The following CYP2D6 variants were observed in gnomAD, a reference collection of about 807,000 sequenced individuals.
The protein encoded by CYP2D6 is cytochrome P450 2D6.
CYP2D6 carries 51 observed loss-of-function variants against 43.5 expected under a neutral mutation model. That is an observed-to-expected ratio of 1.17 (90% CI 0.94 to 1.48). The LOEUF is 1.48. Ranked by LOEUF, CYP2D6 falls within the 40% of genes most tolerant of loss-of-function variation. CYP2D6 has a pLI of 0.00. For missense variants in CYP2D6, 698 were observed against 688.0 expected, an observed-to-expected ratio of 1.01 and a Z score of -0.16; for synonymous variants, 346 against 297.1, an observed-to-expected ratio of 1.16 and a Z score of -1.69.
At position 42,128,218 on chromosome 22, in the gene CYP2D6, G is replaced by A. The variant is rs1323341780; in HGVS notation, c.799C>T (p.Pro267Ser). The A allele has an allele frequency of 2.5e-6, 4 of 1,609,778 alleles. 1 individual carries two copies. Among genetic ancestry groups the A allele is most frequent in the South Asian group, 1.1e-5 (1 of 90,706 alleles). The change falls in exon 5 of 9, where the codon CCC becomes TCC. Residue 267 changes from proline (P) to serine (S), a missense_variant. By Grantham distance (74) the Pro-to-Ser change is moderately conservative. Coordinates refer to ENST00000645361, the MANE Select transcript of CYP2D6 (RefSeq NM_000106.6). The part of the protein sequence containing the change: ...EHRMTWDPAQ[P>S]PRDLTEAFLA... ...AAGGCCTCAGTCAGGTCTCGGGGGG[G>A]CTGGGCTGGGTCCCAGGTCATCCTG...
intron 2 of CYP2D6, chr22:42,129,405 A>G: frequency 1.2e-6 from 1 of 805,474 alleles, no homozygotes; most frequent in East Asian, 2.6e-5. Flanking sequence ...CACTCAGGGA[A>G]GACCCCGCGG....
chr22:42,127,831 G>T lies in CYP2D6; in HGVS notation c.985+11C>A. 1 of 1,610,696 alleles carries T rather than the reference G, an allele frequency of 6.2e-7. No homozygotes were observed. The highest frequency in any genetic ancestry group is 1.7e-5 in the Admixed American group (1 of 59,884). Reference sequence around the variant, plus strand: ...CCCTCGGCCCCTGCACTGTTTCCCAGATGGGCTCACGCTGCACATCCGGAT... The same window carrying T: ...CCCTCGGCCCCTGCACTGTTTCCCATATGGGCTCACGCTGCACATCCGGAT... On this transcript the variant is annotated intron_variant, in intron 6 of 8. Coordinates refer to ENST00000645361, the MANE Select transcript of CYP2D6 (RefSeq NM_000106.6).
At chr22:42,129,550 C>A in intron 2 of CYP2D6, among the ~76,000 whole-genome samples, 188 bp downstream of exon 2, 1 of 151,538 alleles carries the variant, frequency 6.6e-6, no homozygotes, top group East Asian at 1.9e-4. Flanking sequence ...GCCCCGCCCA[C>A]TCGTCACAAG....
In CYP2D6 at chr22:42,127,938, T is replaced by C; in HGVS notation, c.889A>G (p.Ile297Val). The change falls in exon 6 of 9, where the codon ATA (isoleucine) becomes GTA (valine). Residue 297 changes from isoleucine (I) to valine (V), a missense_variant. Ile to Val is a conservative substitution (Grantham distance 29, BLOSUM62 3). This residue lies in a region of CYP2D6 where 588 missense variants were observed against 521.1 expected (regional missense o/e 1.13). Coordinates refer to ENST00000645361, the MANE Select transcript of CYP2D6 (RefSeq NM_000106.6). ...GCAGAGAACAGGTCAGCCACCACTA[T>C]GCGCAGGTTCTCATCATTGAAGCTG... is the stretch of plus-strand genomic sequence containing the variant. Reference protein sequence around the residue: ...ESSFNDENLRIVVADLFSAGM... With the variant: ...ESSFNDENLRVVVADLFSAGM... 6.2e-7 allele frequency: 1 copy of C among 1,611,282 alleles called. No individual in the cohort carries two copies. Among genetic ancestry groups the C allele is most frequent in the Non-Finnish European group, 8.5e-7 (1 of 1,178,236 alleles).
At position 42,129,749 on chromosome 22, in the gene CYP2D6, G is replaced by C. The variant is rs781060458; in HGVS notation, c.341C>G (p.Pro114Arg). 6.2e-7 allele frequency: 1 copy of C among 1,609,830 alleles called. No homozygotes were observed. The highest frequency in any genetic ancestry group is 8.5e-7 in the Non-Finnish European group (1 of 1,178,140). Residue 114 changes from proline to arginine, a missense_variant, in exon 2 of 9, where the codon CCG (proline) becomes CGG (arginine). This residue lies in a region of CYP2D6 where 588 missense variants were observed against 521.1 expected (regional missense o/e 1.13). Coordinates refer to ENST00000645361, the MANE Select transcript of CYP2D6 (RefSeq NM_000106.6). ...VPITQILGFG[P>R]RSQGVFLARY... is the part of the protein sequence containing the mutation. ...CCACCGCTGCTTGCCTTGGGAACGC[G>C]GCCCGAAACCCAGGATCTGGGTGAT...
rs111606937 is a variant in CYP2D6, at chr22:42,128,922, A to G, written c.528T>C (p.Gly176=). ...CGTTGCTCACGGCTTTGTCCAAGAG[A>G]CCGTTGGGGCGAAAGGGGCGTCCTG... is the stretch of plus-strand genomic sequence containing the variant. ...NHSGRPFRPN[G]LLDKAVSNVI... Residue 176 remains glycine, a synonymous_variant, in exon 4 of 9, where the codon GGT becomes GGC. Coordinates refer to ENST00000645361, the MANE Select transcript of CYP2D6 (RefSeq NM_000106.6). The G allele has an allele frequency of 2.3e-3, 3,583 of 1,585,576 alleles. 110 individuals are homozygous for G. Among genetic ancestry groups the G allele is most frequent in the African/African-American group, 3.6e-3 (266 of 73,402 alleles).
At position 42,129,614 on chromosome 22, in the gene CYP2D6, C is replaced by T. The variant is rs180847475; in HGVS notation, c.352+124G>A. ...CCCTAGTGCAGGTGGTTTCTTGGCC[C>T]GCTGTCCCCACTCGCTGGCCTGTTT... is the stretch of plus-strand genomic sequence containing the variant. On this transcript the variant is annotated intron_variant, in intron 2 of 8. Coordinates refer to ENST00000645361, the MANE Select transcript of CYP2D6 (RefSeq NM_000106.6). The T allele has an allele frequency of 2.0e-5, 27 of 1,336,716 alleles. 1 individual carries two copies. Among genetic ancestry groups the T allele is most frequent in the Middle Eastern group, 1.8e-4 (1 of 5,588 alleles). 82.8% of individuals were successfully genotyped at this position (1,336,716 alleles called of 1,614,324 possible). A position where few individuals can be genotyped will look rare whatever the true frequency, so the allele number is the denominator to read the frequency against.
At chr22:42,127,303 C>T in intron 7 of CYP2D6, 144 bp downstream of exon 7, 2 of 1,191,498 alleles carry the variant, frequency 1.7e-6, no homozygotes, top group South Asian at 2.8e-5. Context: ...CTCTGGACCC[C>T]CCACCCAAGT....
At position 42,129,164 on chromosome 22, in the gene CYP2D6, C is replaced by T. The variant is rs1197527337; in HGVS notation, c.374G>A (p.Gly125Glu). 1 of 1,606,298 alleles carries T rather than the reference C, an allele frequency of 6.2e-7. No homozygotes were observed. The highest frequency in any genetic ancestry group is 8.5e-7 in the Non-Finnish European group (1 of 1,178,040). The change falls in exon 3 of 9, where the codon GGG becomes GAG. Residue 125 changes from glycine (G) to glutamate (E), a missense_variant. Physicochemically the swap from Gly to Glu is moderately conservative, Grantham distance 98. Coordinates refer to ENST00000645361, the MANE Select transcript of CYP2D6 (RefSeq NM_000106.6). ...GCGCCTCTGCTCGCGCCACGCGGGC[C>T]CATAGCGCGCCAGGAACACCCCTGG... Reference protein sequence around the residue: ...RSQGVFLARYGPAWREQRRFS... With the variant: ...RSQGVFLARYEPAWREQRRFS...
At position 42,129,178 on chromosome 22, in the gene CYP2D6, G is replaced by T. The variant is rs61736507; in HGVS notation, c.360C>A (p.Phe120Leu). Residue 120 changes from phenylalanine to leucine, a missense_variant, in exon 3 of 9, where the codon TTC (phenylalanine) becomes TTA (leucine). By Grantham distance (22) the Phe-to-Leu change is conservative. Transcript: ENST00000645361. ...GCCACGCGGGCCCATAGCGCGCCAG[G>T]AACACCCCTGGGGGTGGGACGGGCA... ...LGFGPRSQGV[F>L]LARYGPAWRE... The T allele has an allele frequency of 6.2e-7, 1 of 1,604,616 alleles. No homozygotes were observed. The highest frequency in any genetic ancestry group is 8.5e-7 in the Non-Finnish European group (1 of 1,177,954).
At position 42,128,326 on chromosome 22, in the gene CYP2D6, G is replaced by A. The variant is rs753365216; in HGVS notation, c.691C>T (p.Leu231=). The A allele has an allele frequency of 1.4e-5, 23 of 1,610,466 alleles. No homozygotes were observed. In the African/African-American group the frequency reaches 2.8e-4, roughly 20 times the overall value. The change falls in exon 5 of 9, where the codon CTG becomes TTG. Residue 231 remains leucine, a synonymous_variant. Transcript: ENST00000645361. ...REVLNAVPVL[L]HIPALAGKVL... The stretch of plus-strand genomic sequence containing the variant: ...TTGCCAGCCAGCGCTGGGATATGCA[G>A]GAGGACGGGGACAGCATTCAGCACC...
At chr22:42,130,529 C>T (rs1931937977) in intron 1 of CYP2D6, 83 bp downstream of exon 1, 4 of 1,288,754 alleles carry the variant, frequency 3.1e-6, no homozygotes, top group Non-Finnish European at 3.3e-6. Flanking sequence ...CTGGTCCAGC[C>T]TGTGGTTTCA....
At position 42,128,075 on chromosome 22, in the gene CYP2D6, G is replaced by A. The variant is rs1339330289; in HGVS notation, c.844-92C>T. The A allele has an allele frequency of 4.6e-5, 73 of 1,590,728 alleles. 3 individuals carry two copies. Among genetic ancestry groups the A allele is most frequent in the Non-Finnish European group, 5.8e-5 (68 of 1,163,756 alleles). On this transcript the variant is annotated intron_variant, in intron 5 of 8. Transcript: ENST00000645361. ...CCTGTCAGCCCAGATGCGGCTCGCC[G>A]GGTGATGCACTGGTCCAACCTTTTG...
intron 2 of CYP2D6, among the ~76,000 whole-genome samples, 168 bp downstream of exon 2, chr22:42,129,570 C>G (rs1432632466): frequency 6.6e-6 from 1 of 151,470 alleles, no homozygotes; most frequent in African/African-American, 2.4e-5. Context: ...GCCCCGCCCT[C>G]GTCCCCATGC....
chr22:42,128,025 C>T, intron 5 of CYP2D6, 42 bp from the exon 6 acceptor site: 1 of 1,610,510 alleles, frequency 6.2e-7, no homozygotes, highest in Non-Finnish European at 8.5e-7. Flanking sequence ...AACGGGGTAG[C>T]CCCCAAATGA....
rs775614452 is a variant in CYP2D6, at chr22:42,126,549, C to A, written c.*25G>T. ...TACATTAGAGCCTCTGGCTAGGGAG[C>A]AGGCTGGGGACTAGGTACCCCATTC... On this transcript the variant is annotated 3_prime_UTR_variant, in exon 9 of 9. Transcript: ENST00000645361. 3 of 1,539,580 alleles carry A rather than the reference C, an allele frequency of 1.9e-6. No homozygotes were observed. The South Asian group carries it at 3.7e-5, about 19-fold the overall frequency.
Position 42,129,245 on chromosome 22 carries a change from C to T in CYP2D6, c.353-60G>A, listed in dbSNP as rs546937511. On this transcript the variant is annotated intron_variant, in intron 2 of 8. Coordinates refer to ENST00000645361, the MANE Select transcript of CYP2D6 (RefSeq NM_000106.6). The stretch of plus-strand genomic sequence containing the variant: ...AAGGCATTAGCCCCACCATCCACCA[C>T]CCACTCCAACCCTATGCTCCCCCTG... 4.3e-5 allele frequency: 67 copies of T among 1,564,018 alleles called. 3 individuals carry two copies. In the African/African-American group the frequency reaches 8.8e-4, roughly 21 times the overall value.
intron 2 of CYP2D6, chr22:42,129,510 C>G (rs1009016970): frequency 6.9e-6 from 5 of 726,834 alleles, no homozygotes; most frequent in East Asian, 2.7e-5. Flanking sequence ...CCAGCCTCAC[C>G]CATTGGGCTC....
In CYP2D6 at chr22:42,128,777, T is replaced by C. The variant is rs1931437712; in HGVS notation, c.666+7A>G. On this transcript the variant is annotated splice_region_variant and intron_variant, in intron 4 of 8. Coordinates refer to ENST00000645361, the MANE Select transcript of CYP2D6 (RefSeq NM_000106.6). ...CTGCAGAGACTCCTCGGTCTCTCGCTCCGCACCTCGCGCAGAAAGCCCGAC... is the reference window on the plus strand; with the variant it reads ...CTGCAGAGACTCCTCGGTCTCTCGCCCCGCACCTCGCGCAGAAAGCCCGAC... 3.1e-6 allele frequency: 5 copies of C among 1,603,770 alleles called. No homozygotes were observed. Among genetic ancestry groups the C allele is most frequent in the Admixed American group, 1.7e-5 (1 of 59,342 alleles).
Sources: allele counts gnomAD v4.1 joint callset (sites outside exome capture counted in the v4.1 genomes callset), GRCh38; gene constraint gnomAD v4.1.1; regional missense constraint gnomAD v4.1.1; transcripts MANE v1.5; gene names NCBI Gene and HGNC (gene_info 2026-07-23, HGNC 2026-07-21).